RBPJ: variants seen among roughly 807,000 people sequenced by gnomAD.
RBPJ encodes recombination signal binding protein for immunoglobulin kappa J region.
Under a neutral mutation model 67.8 loss-of-function variants are expected in RBPJ, and 9 were observed. That is an observed-to-expected ratio of 0.13 (90% confidence interval 0.08 to 0.23). RBPJ has a LOEUF of 0.23. RBPJ is among the 10% of genes least tolerant of loss of function. The pLI is 1.00. For synonymous variants in RBPJ, 198 were observed against 203.3 expected, an observed-to-expected ratio of 0.97 and a Z score of 0.22; for missense variants, 305 against 595.6, an observed-to-expected ratio of 0.51 and a Z score of 5.08.
chr4:26,313,309 A>G (rs2109308668), intron 1 of RBPJ, among the ~76,000 whole-genome samples: 1 of 152,212 alleles, frequency 6.6e-6, no homozygotes, highest in African/African-American at 2.4e-5. Context: ...AGGTGGGCGG[A>G]TCACCTGAGG....
intron 3 of RBPJ, among the ~76,000 whole-genome samples, chr4:26,411,133 A>G (rs1156713431): frequency 6.6e-6 from 1 of 152,188 alleles, no homozygotes; most frequent in Non-Finnish European, 1.5e-5. Context: ...ATTTTAGGCC[A>G]GGTGCAGTGG....
chr4:26,331,639 T>C (rs142813744), intron 1 of RBPJ, among the ~76,000 whole-genome samples: 2 of 152,254 alleles, frequency 1.3e-5, no homozygotes, highest in East Asian at 3.9e-4. Flanking sequence ...ATGATCTTTG[T>C]CTTGTATTTC....
At chr4:26,267,888 G>A (rs1037622780) in intron 1 of RBPJ, among the ~76,000 whole-genome samples, 3 of 152,028 alleles carry the variant, frequency 2.0e-5, no homozygotes, top group Non-Finnish European at 4.4e-5. Context: ...GATTACAGGC[G>A]TGAGCCACGG....
At position 26,393,123 on chromosome 4, in the gene RBPJ, A is replaced by G. The variant is rs915709504; in HGVS notation, c.59+6732A>G. The stretch of plus-strand genomic sequence containing the variant: ...TGGCTTCCCAAGGTGCTGGGATTAC[A>G]GGTGTGAGCCACCACGCCTGGCTTC... On this transcript the variant is annotated intron_variant, in intron 2 of 10. Coordinates refer to ENST00000355476, the MANE Select transcript of RBPJ (RefSeq NM_015874.6). Among the ~76,000 whole-genome samples, 4 of 152,168 alleles carry G rather than the reference A, an allele frequency of 2.6e-5. No homozygotes were observed. The South Asian group carries it at 8.3e-4, about 32-fold the overall frequency.
chr4:26,341,277 C>A (rs1158041900), intron 1 of RBPJ, among the ~76,000 whole-genome samples: 2 of 152,040 alleles, frequency 1.3e-5, no homozygotes, highest in Admixed American at 1.3e-4. Context: ...GAAGATGGCT[C>A]AACAAGAAGG....
chr4:26,333,796 C>T (rs1295334577), intron 1 of RBPJ, among the ~76,000 whole-genome samples: 1 of 151,948 alleles, frequency 6.6e-6, no homozygotes, highest in African/African-American at 2.4e-5. Context: ...CTCAAGTGAT[C>T]CTCCTGCCTC....
At position 26,424,931 on chromosome 4, in the gene RBPJ, G is replaced by A; in HGVS notation, c.747+188G>A. On this transcript the variant is annotated intron_variant, in intron 7 of 10. Coordinates refer to ENST00000355476, the MANE Select transcript of RBPJ (RefSeq NM_015874.6). This position sits in a 1 kb window ranked among gnomAD's most constrained non-coding sequence, Gnocchi z 5.3. The stretch of plus-strand genomic sequence containing the variant: ...TACCTTATTTCAGAAATGCTTTAAG[G>A]TAATAGCCAGTTTTTACAAGTACAT... 1 of 467,630 alleles carries A rather than the reference G, an allele frequency of 2.1e-6. No homozygotes were observed. Among genetic ancestry groups the A allele is most frequent in the South Asian group, 5.1e-5 (1 of 19,498 alleles). 29.0% of individuals were successfully genotyped at this position (467,630 alleles called of 1,614,324 possible).
At chr4:26,163,382 A>C (rs1386325835), upstream of RBPJ, 16 of 111,988 alleles carry the variant, frequency 1.4e-4, no homozygotes, top group Non-Finnish European at 2.1e-4. Context: ...CCTCTACCCC[A>C]CACACAAAAA....
chr4:26,185,000 G>A (rs879741297), intron 1 of RBPJ, among the ~76,000 whole-genome samples: 1 of 151,946 alleles, frequency 6.6e-6, no homozygotes, highest in Non-Finnish European at 1.5e-5. Context: ...AAATTAGCTG[G>A]GTGTGGCATC....
At chr4:26,301,012 C>T (rs182081511) in intron 1 of RBPJ, among the ~76,000 whole-genome samples, 8 of 152,324 alleles carry the variant, frequency 5.3e-5, no homozygotes, top group African/African-American at 1.9e-4. Context: ...CAGTTAATTT[C>T]TTAAGAAAGT....
rs1164125464 is a variant in RBPJ, at chr4:26,430,368, T to C, written c.1045-51T>C. 4.2e-6 allele frequency: 6 copies of C among 1,428,514 alleles called. No individual in the cohort carries two copies. Among genetic ancestry groups the C allele is most frequent in the Non-Finnish European group, 3.9e-6 (4 of 1,015,040 alleles). 88.5% of individuals were successfully genotyped at this position (1,428,514 alleles called of 1,614,324 possible). A position where few individuals can be genotyped will look rare whatever the true frequency, so the allele number is the denominator to read the frequency against. ...GAATGAGAATCTAATTTGTGTACTT[T>C]AATGAAAAATGAAAAGTTTTCTCAG... is the stretch of plus-strand genomic sequence containing the variant. On this transcript the variant is annotated intron_variant, in intron 9 of 10. Transcript: ENST00000355476. The surrounding 1 kb of genome is among the most constrained non-coding windows in gnomAD (Gnocchi z 4.1).
chr4:26,315,476 A>G (rs188679877), upstream of RBPJ, among the ~76,000 whole-genome samples: 83 of 152,102 alleles, frequency 5.5e-4, 1 homozygote, highest in African/African-American at 2.0e-3. Context: ...AAACGGCAAA[A>G]AGGAGAACAA....
chr4:26,300,284 T>C (rs1322706591), intron 1 of RBPJ, among the ~76,000 whole-genome samples: 3 of 152,104 alleles, frequency 2.0e-5, no homozygotes, highest in Non-Finnish European at 4.4e-5. Context: ...TAAATGTTAA[T>C]AGTTGGCAGG....
chr4:26,115,965 A>G, the RBPJ span, among the ~76,000 whole-genome samples: 1 of 152,152 alleles, frequency 6.6e-6, no homozygotes, highest in Non-Finnish European at 1.5e-5. Flanking sequence ...AAACTCTACA[A>G]TAGTCTTTAA....
intron 1 of RBPJ, among the ~76,000 whole-genome samples, chr4:26,199,310 G>T (rs10005063): frequency 6.6e-6 from 1 of 151,934 alleles, no homozygotes; most frequent in Non-Finnish European, 1.5e-5. Context: ...TGGGCATGGT[G>T]GTGTGCGCCT....
At chr4:26,293,218 G>A (rs969046168) in intron 1 of RBPJ, among the ~76,000 whole-genome samples, 11 of 150,544 alleles carry the variant, frequency 7.3e-5, no homozygotes, top group Non-Finnish European at 1.3e-4. Context: ...TTCCTCAGCT[G>A]CAGGCCTCAG....
At chr4:26,330,227 C>A (rs930236087) in intron 1 of RBPJ, among the ~76,000 whole-genome samples, 6 of 152,278 alleles carry the variant, frequency 3.9e-5, no homozygotes, top group Admixed American at 2.6e-4. Flanking sequence ...ATAAATTTAT[C>A]TGTAATTGAT....
intron 1 of RBPJ, among the ~76,000 whole-genome samples, chr4:26,222,866 C>G (rs935879797): frequency 2.9e-4 from 44 of 151,852 alleles, no homozygotes; most frequent in Non-Finnish European, 5.9e-4. Flanking sequence ...AAGAATTATA[C>G]TTTAATTGGC....
chr4:26,173,627 G>A (rs931662200), intron 1 of RBPJ, among the ~76,000 whole-genome samples: 2 of 152,180 alleles, frequency 1.3e-5, no homozygotes, highest in Non-Finnish European at 2.9e-5. Flanking sequence ...CAGATAACTT[G>A]GTAGGCTACA....
Sources: gnomAD v4.1 joint callset for allele counts (sites outside exome capture counted in the v4.1 genomes callset) on GRCh38, gnomAD v4.1.1 for gene constraint, Gnocchi (gnomAD v3.1) non-coding constraint, MANE v1.5 for transcripts, NCBI Gene and HGNC (gene_info 2026-07-23, HGNC 2026-07-21) for gene names.